Variants in IRAK4 observed in about 807,000 individuals in gnomAD.
The protein encoded by IRAK4 is interleukin 1 receptor associated kinase 4, also known as interleukin-1 receptor-associated kinase 4.
IRAK4 carries 44 observed loss-of-function variants against 51.8 expected under a neutral mutation model. The observed-to-expected ratio is 0.85, with a 90% CI of 0.67 to 1.09. The LOEUF is 1.09. Ranked by LOEUF, IRAK4 falls within the 50% of genes least tolerant of loss-of-function variation. The pLI, the probability that IRAK4 is intolerant of heterozygous loss-of-function variation, is 0.00. For missense variants in IRAK4, 487 were observed against 538.0 expected, an observed-to-expected ratio of 0.91 and a Z score of 0.94; for synonymous variants, 149 against 174.1, an observed-to-expected ratio of 0.86 and a Z score of 1.13.
intron 4 of IRAK4, 134 bp downstream of exon 4, chr12:43,772,496 C>T (rs1457130833): frequency 1.3e-6 from 1 of 775,410 alleles, no homozygotes; most frequent in Non-Finnish European, 2.2e-6. Context: ...TGAGTTGTTT[C>T]CTCCTGATAT....
chr12:43,777,158 A>G (rs1200012877), intron 6 of IRAK4, among the ~76,000 whole-genome samples: 1 of 152,214 alleles, frequency 6.6e-6, no homozygotes, highest in East Asian at 1.9e-4. Context: ...TGGGAGGCCA[A>G]AGTGGTAGGA....
intron 5 of IRAK4, 42 bp from the exon 6 acceptor site, chr12:43,773,923 T>C: frequency 7.6e-7 from 1 of 1,313,822 alleles, no homozygotes; most frequent in Non-Finnish European, 1.1e-6. Context: ...ATTAGGAACC[T>C]TAGAATTGTG....
intron 3 of IRAK4, among the ~76,000 whole-genome samples, 159 bp from the exon 4 acceptor site, chr12:43,772,021 T>G (rs888435729): frequency 2.6e-5 from 4 of 152,202 alleles, no homozygotes; most frequent in Non-Finnish European, 5.9e-5. Context: ...CATTATAACT[T>G]ACAGATTCTT....
At position 43,772,224 on chromosome 12, in the gene IRAK4, A is replaced by G. The variant is rs540605517; in HGVS notation, c.352A>G (p.Ile118Val). The change falls in exon 4 of 12, where the codon ATA becomes GTA. Residue 118 changes from isoleucine to valine, a missense_variant. Coordinates refer to ENST00000613694, the MANE Select transcript of IRAK4 (RefSeq NM_016123.4). ...TANTLPSKEAITVQQKQMPFC... is the reference protein window; with the variant it reads ...TANTLPSKEAVTVQQKQMPFC... ...TAATACACTACCTTCTAAAGAAGCT[A>G]TAACAGTTCAGCAAAAACAGATGCC... 16 of 1,613,794 alleles carry G rather than the reference A, an allele frequency of 9.9e-6. No homozygotes were observed. The highest frequency in any genetic ancestry group is 3.3e-5 in the South Asian group (3 of 91,084).
In IRAK4 at chr12:43,771,360, T is replaced by C; in HGVS notation, c.302T>C (p.Leu101Pro). 2 of 1,614,114 alleles carry C rather than the reference T, an allele frequency of 1.2e-6. No individual in the cohort carries two copies. The highest frequency in any genetic ancestry group is 1.7e-6 in the Non-Finnish European group (2 of 1,179,984). Residue 101 changes from leucine to proline, a missense_variant, in exon 3 of 12, where the codon CTC (leucine) becomes CCC (proline). Leu to Pro is a moderately conservative substitution (Grantham distance 98). Coordinates refer to ENST00000613694, the MANE Select transcript of IRAK4 (RefSeq NM_016123.4). ...NEFFAPASLL[L>P]PDAVPKTANT... ...TTTTTTGCTCCTGCGAGTCTTTTGC[T>C]CCCAGGTAAACTGATTGTGACCAGG...
At position 43,783,658 on chromosome 12, in the gene IRAK4, A is replaced by T; in HGVS notation, c.1126-4A>T. On this transcript the variant is annotated splice_region_variant and splice_polypyrimidine_tract_variant and intron_variant, in intron 9 of 11. Coordinates refer to ENST00000613694, the MANE Select transcript of IRAK4 (RefSeq NM_016123.4). ...TATATTAATGATTTTTTTTGTCTTC[A>T]TAGGTTTTACTAGAAATAATAACTG... 3 of 1,589,234 alleles carry T rather than the reference A, an allele frequency of 1.9e-6. No individual in the cohort carries two copies. In the South Asian group the frequency reaches 3.3e-5, roughly 18 times the overall value.
Position 43,786,391 on chromosome 12 carries a change from T to G in IRAK4, c.1189-8T>G. 5.8e-6 allele frequency: 9 copies of G among 1,552,026 alleles called. No homozygotes were observed. The highest frequency in any genetic ancestry group is 7.9e-6 in the Non-Finnish European group (9 of 1,135,764). Reference sequence around the variant, plus strand: ...GAAGCTCTTAAAGTTTTAACACTCATTTTAAAGCTAGATATTAAAGAAGAA... The same window carrying G: ...GAAGCTCTTAAAGTTTTAACACTCAGTTTAAAGCTAGATATTAAAGAAGAA... On this transcript the variant is annotated splice_region_variant and splice_polypyrimidine_tract_variant and intron_variant, in intron 10 of 11. Coordinates refer to ENST00000613694, the MANE Select transcript of IRAK4 (RefSeq NM_016123.4).
chr12:43,778,762 T>C (rs993072123), intron 8 of IRAK4, among the ~76,000 whole-genome samples: 3 of 151,800 alleles, frequency 2.0e-5, no homozygotes, highest in Admixed American at 2.0e-4. Context: ...TGTTAATATG[T>C]ACAGTTCACA....
rs1021080719 is a variant in IRAK4, at chr12:43,786,943, A to C, written c.*228A>C. On this transcript the variant is annotated 3_prime_UTR_variant, in exon 12 of 12. Coordinates refer to ENST00000613694, the MANE Select transcript of IRAK4 (RefSeq NM_016123.4). The stretch of plus-strand genomic sequence containing the variant: ...CCCCCAGTTCTTACAGTAATCCCTG[A>C]GAAATCTCCTTCAAGCATCACCAAA... The C allele has an allele frequency of 1.8e-6, 1 of 556,886 alleles. No individual in the cohort carries two copies. The highest frequency in any genetic ancestry group is 3.2e-6 in the Non-Finnish European group (1 of 316,428). The allele number at this position is 556,886 out of a possible 1,614,324, so 34.5% of individuals were successfully genotyped here. A position where few individuals can be genotyped will look rare whatever the true frequency, so the allele number is the denominator to read the frequency against.
At position 43,767,634 on chromosome 12, in the gene IRAK4, C is replaced by T. The variant is rs572923941; in HGVS notation, c.-9-469C>T. On this transcript the variant is annotated intron_variant, in intron 1 of 11. Coordinates refer to ENST00000613694, the MANE Select transcript of IRAK4 (RefSeq NM_016123.4). ...TAATGCTACACAAATCATTTCAGTACGTTTTTTTTTTTTACTTCTACCAAA... is the reference window on the plus strand; with the variant it reads ...TAATGCTACACAAATCATTTCAGTATGTTTTTTTTTTTTACTTCTACCAAA... Among the ~76,000 whole-genome samples, 13 of 150,466 alleles carry T rather than the reference C, an allele frequency of 8.6e-5. No homozygotes were observed. The South Asian group carries it at 1.0e-3, about 12-fold the overall frequency.
intron 1 of IRAK4, among the ~76,000 whole-genome samples, chr12:43,764,469 G>T (rs1157470666): frequency 2.0e-5 from 3 of 152,188 alleles, no homozygotes; most frequent in African/African-American, 7.2e-5. Flanking sequence ...AGCCCATGAA[G>T]TTCAAGACAC....
rs779301897 is a variant in IRAK4, at chr12:43,777,612, A to T, written c.717-18A>T. 6.3e-7 allele frequency: 1 copy of T among 1,591,118 alleles called. No individual in the cohort carries two copies. The highest frequency in any genetic ancestry group is 1.7e-5 in the Admixed American group (1 of 58,462). ...ATATTTATTATAATAATTTTGCATG[A>T]AAAATTATTTGTCACAGGTGTCAAC... On this transcript the variant is annotated intron_variant, in intron 6 of 11. Transcript: ENST00000613694.
At position 43,789,080 on chromosome 12, in the gene IRAK4, GAGAA is replaced by G. The variant is rs1942393494; in HGVS notation, c.*2369_*2372del. 1.3e-5 allele frequency: 2 copies of G among 152,238 alleles called. No homozygotes were observed. Among genetic ancestry groups the G allele is most frequent in the Middle Eastern group, 3.2e-3 (1 of 316 alleles). The allele number at this position is 152,238 out of a possible 1,614,324, so 9.4% of individuals were successfully genotyped here. On this transcript the variant is annotated 3_prime_UTR_variant, in exon 12 of 12. Transcript: ENST00000613694. ...AAGGGATGATTATATTTTGCAATGT[GAGAA>G]AGACATTAGATTTGGGGGGCTGGGG... is the stretch of plus-strand genomic sequence containing the variant.
chr12:43,781,814 A>G (rs948239536), intron 8 of IRAK4, among the ~76,000 whole-genome samples: 2 of 152,176 alleles, frequency 1.3e-5, no homozygotes, highest in Non-Finnish European at 2.9e-5. Context: ...TATTTTGGCC[A>G]TATTTTTTTC....
At chr12:43,781,320 T>C (rs144605924) in intron 8 of IRAK4, among the ~76,000 whole-genome samples, 4 of 152,328 alleles carry the variant, frequency 2.6e-5, no homozygotes, top group African/African-American at 9.6e-5. Flanking sequence ...ACCACACTAC[T>C]AGGTCATGGT....
chr12:43,765,617 G>T (rs1185361529), intron 1 of IRAK4, among the ~76,000 whole-genome samples: 1 of 143,090 alleles, frequency 7.0e-6, no homozygotes, highest in Admixed American at 6.9e-5. Context: ...GTTTATTTTG[G>T]AAATACATTT....
intron 8 of IRAK4, 81 bp from the exon 9 acceptor site, chr12:43,782,226 A>G (rs1941836100): frequency 1.2e-6 from 1 of 835,460 alleles, no homozygotes; most frequent in Admixed American, 1.9e-5. Context: ...ATGCATACAT[A>G]CGTACATCTA....
At chr12:43,768,307 TACATC>T in intron 2 of IRAK4, 35 bp downstream of exon 2, 2 of 1,466,498 alleles carry the variant, frequency 1.4e-6, no homozygotes, top group Non-Finnish European at 1.9e-6. Context: ...TTTAAATTCT[TACATC>T]ACAATATGGA....
chr12:43,772,812 A>G (rs1592232663), intron 4 of IRAK4, 100 bp from the exon 5 acceptor site: 2 of 860,986 alleles, frequency 2.3e-6, no homozygotes, highest in East Asian at 2.7e-5. Context: ...ATTCAAAATC[A>G]TAAATATTTG....
Sources: gnomAD v4.1 joint callset for allele counts (sites outside exome capture counted in the v4.1 genomes callset) on GRCh38, gnomAD v4.1.1 for gene constraint, MANE v1.5 for transcripts, NCBI Gene and HGNC (gene_info 2026-07-23, HGNC 2026-07-21) for gene names.